The following CFAP69 variants were observed in gnomAD, a reference collection of about 807,000 sequenced individuals.
CFAP69 encodes the protein cilia- and flagella-associated protein 69.
CFAP69 carries 92 observed loss-of-function variants against 123.0 expected under a neutral mutation model. That is an observed-to-expected ratio of 0.75 (90% CI 0.63 to 0.89). CFAP69 has a LOEUF of 0.89. Among genes scored for constraint, CFAP69 ranks in the 40% least tolerant of loss-of-function variants. The pLI, the probability that CFAP69 is intolerant of heterozygous loss-of-function variation, is 0.00. For synonymous variants in CFAP69, 380 were observed against 364.3 expected (o/e 1.04, Z -0.49); for missense variants, 1,067 against 1,096.9 (o/e 0.97, Z 0.39).
intron 2 of CFAP69, 74 bp downstream of exon 2, chr7:90,255,556 C>T: frequency 9.0e-7 from 1 of 1,117,290 alleles, no homozygotes; most frequent in Admixed American, 1.8e-5. Context: ...AACATATATT[C>T]CTTCAAATGT....
the CFAP69 span, chr7:90,318,261 A>G: frequency 6.6e-6 from 1 of 152,180 alleles, no homozygotes. Context: ...TTGAAATAAG[A>G]TGTGAGATAT....
At chr7:90,288,209 A>G (rs1349298926) in intron 14 of CFAP69, 25 bp from the exon 15 acceptor site, 1 of 1,555,306 alleles carries the variant, frequency 6.4e-7, no homozygotes, top group Non-Finnish European at 8.8e-7. Flanking sequence ...TTCAAGAAAT[A>G]ATTTAAAACA....
intron 14 of CFAP69, 35 bp from the exon 15 acceptor site, chr7:90,288,199 T>G (rs776395902): frequency 6.6e-6 from 10 of 1,519,772 alleles, no homozygotes; most frequent in Non-Finnish European, 9.1e-6. Context: ...ATTTATTTAT[T>G]TCAAGAAATA....
chr7:90,259,882 C>G (rs984076881), intron 3 of CFAP69, among the ~76,000 whole-genome samples: 1 of 152,094 alleles, frequency 6.6e-6, no homozygotes, highest in Non-Finnish European at 1.5e-5. Flanking sequence ...TATGTCCACT[C>G]TCACTTTATG....
chr7:90,313,271 A>T (rs17866224), downstream of CFAP69, among the ~76,000 whole-genome samples: 1,205 of 152,338 alleles, frequency 7.9e-3, 18 homozygotes, highest in African/African-American at 0.028. Context: ...AGCAGGATCA[A>T]TGTAGTTCCT....
rs1584513134 is a variant in CFAP69, at chr7:90,297,762, G to A, written c.1789G>A (p.Gly597Arg). The A allele has an allele frequency of 1.3e-6, 2 of 1,569,948 alleles. No individual in the cohort carries two copies. The highest frequency in any genetic ancestry group is 2.1e-5 in the Admixed American group (1 of 47,740). Residue 597 changes from glycine to arginine, a missense_variant, in exon 16 of 23, where the codon GGA (glycine) becomes AGA (arginine). Transcript: ENST00000389297. ...TLDSIWCCIL[G>R]CYPSEDYFLE... ...TTTTAATTTAAGGTGCTGTATTTTG[G>A]GATGTTATCCCTCAGAGGATTATTT...
At chr7:90,261,884 T>C in intron 3 of CFAP69, 63 bp from the exon 4 acceptor site, 1 of 851,740 alleles carries the variant, frequency 1.2e-6, no homozygotes. Flanking sequence ...ACAGAAATAC[T>C]ATAAAGAATA....
intron 1 of CFAP69, among the ~76,000 whole-genome samples, chr7:90,255,175 C>T (rs1562839786): frequency 6.6e-6 from 1 of 152,040 alleles, no homozygotes; most frequent in African/African-American, 2.4e-5. Context: ...TTTCTTGGGC[C>T]CTTCAGGGCT....
intron 1 of CFAP69, among the ~76,000 whole-genome samples, chr7:90,253,622 C>T (rs1797289488): frequency 6.6e-6 from 1 of 152,138 alleles, no homozygotes; most frequent in Non-Finnish European, 1.5e-5. Flanking sequence ...GAACTCCTAA[C>T]CTCAGATGAT....
At chr7:90,303,827 G>A (rs1192576524) in intron 17 of CFAP69, 142 bp from the exon 18 acceptor site, 32 of 1,232,998 alleles carry the variant, frequency 2.6e-5, no homozygotes, top group Non-Finnish European at 3.1e-5. Context: ...TTTCAAAAGT[G>A]TAACCGTGTA....
intron 13 of CFAP69, 101 bp downstream of exon 13, chr7:90,283,157 TG>T: frequency 1.2e-6 from 1 of 841,470 alleles, no homozygotes; most frequent in Non-Finnish European, 1.7e-6. Flanking sequence ...TCTTTATGAC[TG>T]AGAAATTCCT....
chr7:90,257,493 G>C (rs912671057), intron 2 of CFAP69, among the ~76,000 whole-genome samples: 3 of 152,068 alleles, frequency 2.0e-5, no homozygotes, highest in Admixed American at 1.3e-4. Context: ...ATACATTGTT[G>C]TTGACTTTAG....
Position 90,309,353 on chromosome 7 carries a change from G to C in CFAP69, c.2641G>C (p.Gly881Arg). The change falls in exon 22 of 23, where the codon GGC becomes CGC. Residue 881 changes from glycine to arginine, a missense_variant. Coordinates refer to ENST00000389297, the MANE Select transcript of CFAP69 (RefSeq NM_001039706.3). Reference protein sequence around the residue: ...NAIFHQTHIKGLNTTVPSGGV... With the variant: ...NAIFHQTHIKRLNTTVPSGGV... ...AATATTTCACCAAACACATATTAAA[G>C]GCCTTAACACAACGGTAAGATTCTT... 1 of 1,568,342 alleles carries C rather than the reference G, an allele frequency of 6.4e-7. No homozygotes were observed. Among genetic ancestry groups the C allele is most frequent in the Non-Finnish European group, 8.7e-7 (1 of 1,149,954 alleles).
At chr7:90,287,619 C>A (rs555653093) in intron 14 of CFAP69, 3 of 985,276 alleles carry the variant, frequency 3.0e-6, no homozygotes, top group Non-Finnish European at 3.6e-6. Flanking sequence ...TTTAAGTGAA[C>A]GCCTGTTTAG....
Position 90,297,748 on chromosome 7 carries a change from G to A in CFAP69, c.1776-1G>A, listed in dbSNP as rs1792205145. 2 of 1,552,726 alleles carry A rather than the reference G, an allele frequency of 1.3e-6. No homozygotes were observed. Among genetic ancestry groups the A allele is most frequent in the East Asian group, 4.8e-5 (2 of 41,850 alleles). On this transcript the variant is annotated splice_acceptor_variant, in intron 15 of 22. Coordinates refer to ENST00000389297, the MANE Select transcript of CFAP69 (RefSeq NM_001039706.3). LOFTEE classifies it high-confidence loss of function. ...AATGAATAACTTTCTTTTAATTTAA[G>A]GTGCTGTATTTTGGGATGTTATCCC... is the stretch of plus-strand genomic sequence containing the variant.
At chr7:90,278,417 CTT>C (rs1670463018) in intron 11 of CFAP69, among the ~76,000 whole-genome samples, 1 of 151,928 alleles carries the variant, frequency 6.6e-6, no homozygotes, top group African/African-American at 2.4e-5. Flanking sequence ...ATAATTATAA[CTT>C]TATTATTTGT....
In CFAP69 at chr7:90,271,834, C is replaced by G. The variant is rs769265037; in HGVS notation, c.736C>G (p.His246Asp). The change falls in exon 8 of 23, where the codon CAC becomes GAC. Residue 246 changes from histidine to aspartate, a missense_variant. Physicochemically the swap from His to Asp is moderately conservative, Grantham distance 81. Coordinates refer to ENST00000389297, the MANE Select transcript of CFAP69 (RefSeq NM_001039706.3). ...KAQAASGICT[H>D]LNDPDPSGQL... ...ACAAGCAGCCAGTGGAATCTGTACT[C>G]ACCTCAATGACCCAGATCCCTCTGG... The G allele has an allele frequency of 6.2e-7, 1 of 1,600,344 alleles. No individual in the cohort carries two copies. The highest frequency in any genetic ancestry group is 2.3e-5 in the East Asian group (1 of 44,174).
chr7:90,314,764 C>T (rs1310848710), downstream of CFAP69, among the ~76,000 whole-genome samples: 1 of 150,338 alleles, frequency 6.7e-6, no homozygotes, highest in Non-Finnish European at 1.5e-5. Context: ...TACATGTGCA[C>T]AATGTGCAGG....
intron 3 of CFAP69, among the ~76,000 whole-genome samples, chr7:90,261,082 A>ATT (rs372399718): frequency 0.11 from 15,479 of 145,896 alleles, 2,140 homozygotes; most frequent in East Asian, 0.58. Flanking sequence ...TGCCAATAGG[A>ATT]TTTTTTTTTT....
Sources: allele counts gnomAD v4.1 joint callset (sites outside exome capture counted in the v4.1 genomes callset), GRCh38; gene constraint gnomAD v4.1.1; transcripts MANE v1.5; gene names NCBI Gene and HGNC (gene_info 2026-07-23, HGNC 2026-07-21).